Variants in UBE2A observed in about 807,000 individuals in gnomAD.
UBE2A encodes ubiquitin conjugating enzyme E2 A, also known as ubiquitin-conjugating enzyme E2 A.
For missense variants in UBE2A, 27 were observed against 125.8 expected, an observed-to-expected ratio of 0.21 and a Z score of 3.76; for synonymous variants, 39 against 41.1, an observed-to-expected ratio of 0.95 and a Z score of 0.20.
chrX:119,579,086 CTT>C (rs1249295207), intron 3 of UBE2A, among the ~76,000 whole-genome samples: 1 of 112,275 alleles, frequency 8.9e-6, no homozygotes, highest in African/African-American at 3.2e-5. Context: ...TTTTTACCCT[CTT>C]TTTAATGTGT....
intron 3 of UBE2A, chrX:119,580,864 C>T (rs559187031): frequency 7.2e-5 from 8 of 111,880 alleles, no homozygotes; most frequent in Admixed American, 2.8e-4. Flanking sequence ...TAATTCCCTC[C>T]ATATGTGTGA....
At chrX:119,575,597 G>T in intron 3 of UBE2A, 197 bp downstream of exon 3, 1 of 432,779 alleles carries the variant, frequency 2.3e-6, no homozygotes, top group South Asian at 3.6e-5. Context: ...CTTTCTTCTT[G>T]CTTTCTTAAA....
chrX:119,582,566 G>A (rs751042714), intron 4 of UBE2A, 22 bp from the exon 5 acceptor site: 1 of 1,139,354 alleles, frequency 8.8e-7, no homozygotes, highest in Non-Finnish European at 1.2e-6. Flanking sequence ...TACGTTTAAT[G>A]TACCTACTTC....
At chrX:119,579,067 A>T in intron 3 of UBE2A, among the ~76,000 whole-genome samples, 1 of 112,415 alleles carries the variant, frequency 8.9e-6, no homozygotes, top group Non-Finnish European at 1.9e-5. Flanking sequence ...TGTGACTAAA[A>T]GTGTGAAGTT....
At chrX:119,582,998 A>T in intron 5 of UBE2A, 129 bp from the exon 6 acceptor site, 1 of 876,300 alleles carries the variant, frequency 1.1e-6, no homozygotes. Context: ...GCAGATTCAC[A>T]TAACTCTGGG....
chrX:119,579,604 A>G (rs2053438676), intron 3 of UBE2A, among the ~76,000 whole-genome samples: 1 of 111,873 alleles, frequency 8.9e-6, no homozygotes, highest in South Asian at 3.7e-4. Context: ...AGTCAAGGAG[A>G]ACACCTTCCC....
intron 5 of UBE2A, among the ~76,000 whole-genome samples, 173 bp downstream of exon 5, chrX:119,582,849 ACAC>A (rs1490170154): frequency 9.0e-6 from 1 of 110,870 alleles, no homozygotes; most frequent in African/African-American, 3.3e-5. Context: ...ACAGTCGCTC[ACAC>A]CTGTAACCTC....
At chrX:119,574,860 C>T in intron 1 of UBE2A, 41 bp from the exon 2 acceptor site, 1 of 1,207,315 alleles carries the variant, frequency 8.3e-7, no homozygotes, top group South Asian at 1.8e-5. Context: ...GGAGCGGGCG[C>T]CAGTGCCGGC....
Position 119,581,681 on chromosome X carries a change from C to T in UBE2A, c.241+85C>T, listed in dbSNP as rs2053451717. ...CACATTTCCTGTGTATTTTGTGGTG[C>T]CTGAGTATTTGTTTAGGCAGCTTGC... On this transcript the variant is annotated intron_variant, in intron 4 of 5. Transcript: ENST00000371558. The T allele has an allele frequency of 1.1e-5, 9 of 787,218 alleles. No individual in the cohort carries two copies. The Admixed American group carries it at 2.1e-4, about 18-fold the overall frequency. 64.9% of individuals were successfully genotyped at this position (787,218 alleles called of 1,213,427 possible). A position where few individuals can be genotyped will look rare whatever the true frequency, so the allele number is the denominator to read the frequency against.
At chrX:119,581,683 T>TAAAC in intron 4 of UBE2A, 87 bp downstream of exon 4, 1 of 768,507 alleles carries the variant, frequency 1.3e-6, no homozygotes, top group Non-Finnish European at 2.0e-6. Flanking sequence ...TTGTGGTGCC[T>TAAAC]GAGTATTTGT....
At chrX:119,581,722 G>A in intron 4 of UBE2A, 126 bp downstream of exon 4, 1 of 551,627 alleles carries the variant, frequency 1.8e-6, no homozygotes, top group Non-Finnish European at 3.1e-6. Context: ...CTTGAAAGCT[G>A]AACTTGTTCT....
Position 119,583,859 on chromosome X carries a change from TGTA to T in UBE2A, c.*608_*610del, listed in dbSNP as rs1289284423. On this transcript the variant is annotated 3_prime_UTR_variant, in exon 6 of 6. Coordinates refer to ENST00000371558, the MANE Select transcript of UBE2A (RefSeq NM_003336.4). ...GACTCAGCTAAAGGAGTACAGCAAT[TGTA>T]GTAACTGACACATCCTCTCTTTGCA... 1 of 113,333 alleles carries T rather than the reference TGTA, an allele frequency of 8.8e-6. No individual in the cohort carries two copies. The highest frequency in any genetic ancestry group is 1.9e-5 in the Non-Finnish European group (1 of 53,801). The allele number at this position is 113,333 out of a possible 1,213,427, so 9.3% of individuals were successfully genotyped here.
At chrX:119,581,676 TG>T in intron 4 of UBE2A, 80 bp downstream of exon 4, 1 of 820,577 alleles carries the variant, frequency 1.2e-6, no homozygotes, top group South Asian at 2.2e-5. Flanking sequence ...GTGTATTTTG[TG>T]GTGCCTGAGT....
At chrX:119,574,791 AGCTGG>A (rs1463464441) in intron 1 of UBE2A, 36 bp downstream of exon 1, 1 of 1,183,903 alleles carries the variant, frequency 8.4e-7, no homozygotes, top group Non-Finnish European at 1.1e-6. Context: ...GGGGGTTGCG[AGCTGG>A]GGCACAGGGC....
In UBE2A at chrX:119,575,162, A is replaced by G. The variant is rs1455609461; in HGVS notation, c.125+181A>G. On this transcript the variant is annotated intron_variant, in intron 2 of 5. Coordinates refer to ENST00000371558, the MANE Select transcript of UBE2A (RefSeq NM_003336.4). ...AGCTCAGTTCCCGCTGCCAGGGGGA[A>G]CCGCTTGGGGTTCTAGGGGGGCGGG... The G allele has an allele frequency of 1.1e-5, 8 of 753,137 alleles. No individual in the cohort carries two copies. In the Admixed American group the frequency reaches 2.2e-4, roughly 21 times the overall value. The allele number at this position is 753,137 out of a possible 1,213,427, so 62.1% of individuals were successfully genotyped here.
chrX:119,574,762 C>A lies in UBE2A; in HGVS notation c.44+7C>A. 8.4e-7 allele frequency: 1 copy of A among 1,190,304 alleles called. No individual in the cohort carries two copies. Among genetic ancestry groups the A allele is most frequent in the Non-Finnish European group, 1.1e-6 (1 of 885,337 alleles). On this transcript the variant is annotated splice_region_variant and intron_variant, in intron 1 of 5. Coordinates refer to ENST00000371558, the MANE Select transcript of UBE2A (RefSeq NM_003336.4). ...TCATGCGGGACTTCAAGAGGTAAACCGAGGGGACGGCCGAGGCCGGGGGTT... is the reference window on the plus strand; with the variant it reads ...TCATGCGGGACTTCAAGAGGTAAACAGAGGGGACGGCCGAGGCCGGGGGTT...
At chrX:119,575,648 A>G in intron 3 of UBE2A, 1 of 386,798 alleles carries the variant, frequency 2.6e-6, no homozygotes, top group Non-Finnish European at 4.5e-6. Flanking sequence ...AAAAGGAGCA[A>G]TCATAGCACT....
intron 4 of UBE2A, 73 bp from the exon 5 acceptor site, chrX:119,582,515 T>C (rs781735510): frequency 2.8e-5 from 22 of 795,798 alleles, no homozygotes; most frequent in Non-Finnish European, 3.7e-5. Flanking sequence ...TTCTTGACTA[T>C]TTTTGTTTTG....
At position 119,583,322 on chromosome X, in the gene UBE2A, A is replaced by G. The variant is rs776386469; in HGVS notation, c.*67A>G. 2,001 of 1,182,088 alleles carry G rather than the reference A, an allele frequency of 1.7e-3. 6 individuals carry two copies. Among genetic ancestry groups the G allele is most frequent in the Non-Finnish European group, 1.6e-3 (1,372 of 871,718 alleles). Reference sequence around the variant, plus strand: ...ATATTGATGTGTTTGTCACCTCCCTACTCCTGTCATTACATTTACTTTATT... The same window carrying G: ...ATATTGATGTGTTTGTCACCTCCCTGCTCCTGTCATTACATTTACTTTATT... On this transcript the variant is annotated 3_prime_UTR_variant, in exon 6 of 6. Transcript: ENST00000371558.
Sources: allele counts gnomAD v4.1 joint callset (sites outside exome capture counted in the v4.1 genomes callset), GRCh38; gene constraint gnomAD v4.1.1; transcripts MANE v1.5; gene names NCBI Gene and HGNC (gene_info 2026-07-23, HGNC 2026-07-21).